Variants in TENM2 observed in about 807,000 individuals in gnomAD.
The protein encoded by TENM2 is teneurin transmembrane protein 2, also known as teneurin-2.
Under a neutral mutation model 245.2 loss-of-function variants are expected in TENM2, and 52 were observed. The ratio of observed to expected loss-of-function variants is 0.21; its 90% CI spans 0.17 to 0.27. The LOEUF is 0.27. Among genes scored for constraint, TENM2 ranks in the 10% least tolerant of loss-of-function variants. TENM2 has a pLI of 1.00. For missense variants in TENM2, 3,046 were observed against 3,666.8 expected (o/e 0.83, Z 4.37); for synonymous variants, 1,363 against 1,438.9 (o/e 0.95, Z 1.19).
At position 168,157,561 on chromosome 5, in the gene TENM2, T is replaced by C. The variant is rs572660943; in HGVS notation, c.2423-5050T>C. 3.3e-5 allele frequency among the ~76,000 whole-genome samples: 5 copies of C among 152,236 alleles called. No homozygotes were observed. The South Asian group carries it at 1.0e-3, about 32-fold the overall frequency. ...CAAGATATTTAGGAAGAAGGACAGA[T>C]AGGAGTTCTTGCAGTTAAGAGGAAA... On this transcript the variant is annotated intron_variant, in intron 12 of 28. Transcript: ENST00000518659.
At chr5:167,740,184 A>G (rs976685879) in intron 2 of TENM2, among the ~76,000 whole-genome samples, 8 of 152,134 alleles carry the variant, frequency 5.3e-5, no homozygotes, top group African/African-American at 1.7e-4. Context: ...ACCTCTCCAA[A>G]TCGACAATGA....
chr5:167,109,888 C>T, the TENM2 span, among the ~76,000 whole-genome samples: 1 of 152,182 alleles, frequency 6.6e-6, no homozygotes, highest in Non-Finnish European at 1.5e-5. Flanking sequence ...AGGCAGAAAT[C>T]TTTTGGCTGG....
chr5:167,472,112 C>T (rs1282347962), intron 2 of TENM2, among the ~76,000 whole-genome samples: 1 of 152,006 alleles, frequency 6.6e-6, no homozygotes, highest in Non-Finnish European at 1.5e-5. Flanking sequence ...CTTTAACTTC[C>T]AGAACAGACA....
intron 2 of TENM2, among the ~76,000 whole-genome samples, chr5:167,494,201 G>C (rs1424039190): frequency 6.6e-6 from 1 of 152,108 alleles, no homozygotes; most frequent in Non-Finnish European, 1.5e-5. Flanking sequence ...GAGAACACAA[G>C]ATGACCGCTA....
intron 2 of TENM2, among the ~76,000 whole-genome samples, chr5:167,535,268 C>A (rs1582317235): frequency 1.3e-5 from 2 of 151,994 alleles, no homozygotes; most frequent in Non-Finnish European, 2.9e-5. Flanking sequence ...TCCCCTTTGT[C>A]CCTTTTCTGC....
chr5:168,034,157 ATATATG>A (rs377253574), intron 5 of TENM2, among the ~76,000 whole-genome samples: 13 of 103,786 alleles, frequency 1.3e-4, no homozygotes, highest in East Asian at 5.0e-4. Flanking sequence ...ATGTGTATAT[ATATATG>A]TATATATATA....
the TENM2 span, among the ~76,000 whole-genome samples, chr5:167,023,425 T>C: frequency 2.6e-5 from 4 of 152,194 alleles, no homozygotes; most frequent in Non-Finnish European, 4.4e-5. Flanking sequence ...TTGGTTTGTG[T>C]GGACACAAAC....
At chr5:167,145,269 G>A in the TENM2 span, among the ~76,000 whole-genome samples, 4 of 152,316 alleles carry the variant, frequency 2.6e-5, no homozygotes, top group South Asian at 4.1e-4. Context: ...CAGAGTATAT[G>A]CTTTGGAGGA....
At chr5:167,133,837 GA>G in the TENM2 span, among the ~76,000 whole-genome samples, 1 of 151,128 alleles carries the variant, frequency 6.6e-6, no homozygotes, top group South Asian at 2.1e-4. Context: ...AAAAAAAAAG[GA>G]AAAAAGAAAA....
At chr5:167,276,574 G>A in the TENM2 span, among the ~76,000 whole-genome samples, 1 of 152,070 alleles carries the variant, frequency 6.6e-6, no homozygotes, top group South Asian at 2.1e-4. Flanking sequence ...TCTGTTTGTA[G>A]TACAATTACC....
At chr5:167,384,147 A>G (rs1236265284) in intron 2 of TENM2, among the ~76,000 whole-genome samples, 3 of 152,148 alleles carry the variant, frequency 2.0e-5, no homozygotes, top group Non-Finnish European at 4.4e-5. Context: ...TTCACTTCCT[A>G]GATGAATAGA....
At chr5:167,719,578 CT>C (rs1326525443) in intron 2 of TENM2, among the ~76,000 whole-genome samples, 43 of 152,216 alleles carry the variant, frequency 2.8e-4, no homozygotes, top group African/African-American at 1.0e-3. Context: ...ATAGCCTAAG[CT>C]GTGGAAGAAG....
chr5:168,143,843 CTTTTTTTTTTTTT>C (rs70976464), intron 12 of TENM2, among the ~76,000 whole-genome samples: 2 of 102,716 alleles, frequency 1.9e-5, no homozygotes, highest in African/African-American at 7.6e-5. Context: ...TACTACACTT[CTTTTTTTTTTTTT>C]TTTTTTTTTT....
chr5:167,136,890 A>G, the TENM2 span, among the ~76,000 whole-genome samples: 2 of 152,318 alleles, frequency 1.3e-5, no homozygotes, highest in South Asian at 2.1e-4. Flanking sequence ...GTATTAGTCT[A>G]TTCAGGCTGC....
intron 2 of TENM2, among the ~76,000 whole-genome samples, chr5:167,607,276 GC>G (rs1273992517): frequency 6.6e-6 from 1 of 152,132 alleles, no homozygotes; most frequent in African/African-American, 2.4e-5. Context: ...GAGACTGAAT[GC>G]CCCACTGAAA....
At chr5:168,119,216 T>A (rs1034021918) in intron 10 of TENM2, among the ~76,000 whole-genome samples, 3 of 152,206 alleles carry the variant, frequency 2.0e-5, no homozygotes, top group Admixed American at 6.5e-5. Flanking sequence ...GAAAATCTCA[T>A]CCTGGCAGAC....
intron 2 of TENM2, among the ~76,000 whole-genome samples, chr5:167,606,619 T>A (rs1486058040): frequency 1.3e-5 from 2 of 152,082 alleles, no homozygotes; most frequent in African/African-American, 4.8e-5. Flanking sequence ...AAGAGGGTAG[T>A]TCCCAACCCC....
At chr5:167,341,179 T>C (rs1758078844) in intron 1 of TENM2, among the ~76,000 whole-genome samples, 1 of 152,216 alleles carries the variant, frequency 6.6e-6, no homozygotes, top group Admixed American at 6.5e-5. Context: ...AAACAGGTCA[T>C]GGCAGGCCCC....
intron 12 of TENM2, among the ~76,000 whole-genome samples, chr5:168,139,730 A>G (rs1206851624): frequency 1.3e-5 from 2 of 152,224 alleles, no homozygotes; most frequent in African/African-American, 2.4e-5. Context: ...GGTGCATTCA[A>G]CAGGGTGTAA....
Sources: allele counts gnomAD v4.1 joint callset (sites outside exome capture counted in the v4.1 genomes callset), GRCh38; gene constraint gnomAD v4.1.1; transcripts MANE v1.5; gene names NCBI Gene and HGNC (gene_info 2026-07-23, HGNC 2026-07-21).